Variants in BRAT1 observed in about 807,000 individuals in gnomAD.
BRAT1 encodes integrator complex assembly factor BRAT1.
A neutral mutation model predicts 70.6 loss-of-function variants in BRAT1; 74 were observed. The ratio of observed to expected loss-of-function variants is 1.05; its 90% CI spans 0.87 to 1.27. BRAT1 has a LOEUF of 1.27. Ranked by LOEUF, BRAT1 falls within the 50% of genes most tolerant of loss-of-function variation. BRAT1 has a pLI of 0.00. For synonymous variants in BRAT1, 615 were observed against 517.1 expected (o/e 1.19, Z -2.57); for missense variants, 1,203 against 1,098.2 (o/e 1.10, Z -1.35).
In BRAT1 at chr7:2,538,231, C is replaced by T. The variant is rs368044267; in HGVS notation, c.2304G>A (p.Glu768=). The part of the protein sequence containing the change: ...GEQAQPPGDQ[E]PEAVLAMLRS... ...TGAGCATGGCCAGCACAGCCTCAGG[C>T]TCCTGGTCCCCTGGGGGCTGGGCCT... The change falls in exon 14 of 14, where the codon GAG becomes GAA. Residue 768 remains glutamate (E), a synonymous_variant. Transcript: ENST00000340611. 5.0e-6 allele frequency: 8 copies of T among 1,609,762 alleles called. 1 individual carries two copies. The Middle Eastern group carries it at 5.0e-4, about 100-fold the overall frequency.
intron 6 of BRAT1, 178 bp from the exon 7 acceptor site, chr7:2,542,389 G>T (rs1453005812): frequency 4.8e-6 from 3 of 621,216 alleles, no homozygotes; most frequent in Non-Finnish European, 8.6e-6. Flanking sequence ...GGGGAGGACA[G>T]GCCTGACCAA....
chr7:2,547,202 C>T, intron 3 of BRAT1, 122 bp downstream of exon 3: 1 of 1,292,022 alleles, frequency 7.7e-7, no homozygotes, highest in Non-Finnish European at 1.1e-6. Flanking sequence ...AGTGAGGACA[C>T]AGGGTCGGGG....
rs1263655882 is a variant in BRAT1, at chr7:2,538,257, G to A, written c.2278C>T (p.Gln760Ter). The A allele has an allele frequency of 3.7e-6, 6 of 1,610,662 alleles. No homozygotes were observed. The highest frequency in any genetic ancestry group is 5.1e-6 in the Non-Finnish European group (6 of 1,179,044). ...TCCTGGTCCCCTGGGGGCTGGGCCT[G>A]CTCACCCGCCCGCCACCTCGGCAGG... Reference protein sequence around the residue: ...ATLPRWRAGEQAQPPGDQEPE... With the variant: ...ATLPRWRAGE Residue 760 changes from glutamine to a stop codon, truncating the protein, a stop_gained, in exon 14 of 14, where the codon CAG becomes TAG. Coordinates refer to ENST00000340611, the MANE Select transcript of BRAT1 (RefSeq NM_152743.4). LOFTEE classifies it low-confidence loss of function (END_TRUNC).
chr7:2,547,481 G>A lies in BRAT1; in HGVS notation c.128-3C>T. 1 of 1,613,834 alleles carries A rather than the reference G, an allele frequency of 6.2e-7. No individual in the cohort carries two copies. Among genetic ancestry groups the A allele is most frequent in the Non-Finnish European group, 8.5e-7 (1 of 1,179,970 alleles). On this transcript the variant is annotated splice_region_variant and splice_polypyrimidine_tract_variant and intron_variant, in intron 2 of 13. Transcript: ENST00000340611. The stretch of plus-strand genomic sequence containing the variant: ...CTGCAGCAGCACGACACTGGACTCT[G>A]TGGGGATGGCCCAGCCCAGGGGTCA...
chr7:2,543,217 T>G lies in BRAT1; in HGVS notation c.910A>C (p.Lys304Gln), dbSNP rs777504857. ...CCCAGACCATACCAGTGCTCGAGCTTCAGGATCCCCAAAGCCAGGGGTCCC... is the reference window on the plus strand; with the variant it reads ...CCCAGACCATACCAGTGCTCGAGCTGCAGGATCCCCAAAGCCAGGGGTCCC... ...HMGPLALGIL[K>Q]LEHCPQALRT... Residue 304 changes from lysine to glutamine, a missense_variant, in exon 6 of 14, where the codon AAG becomes CAG. Lys to Gln is a moderately conservative substitution (Grantham distance 53, BLOSUM62 1). Transcript: ENST00000340611. The surrounding 1 kb of genome is among the most constrained non-coding windows in gnomAD (Gnocchi z 5.5). 2.2e-5 allele frequency: 35 copies of G among 1,606,362 alleles called. No individual in the cohort carries two copies. The East Asian group carries it at 7.6e-4, about 35-fold the overall frequency.
In BRAT1 at chr7:2,541,386, C is replaced by A. The variant is rs556970046; in HGVS notation, c.1233G>T (p.Val411=). The part of the protein sequence containing the change: ...CDGSAAPASS[V]GGHLCGTLAG... ...CCAGGGTCCCACAGAGGTGGCCCCC[C>A]ACACTGGAGGCAGGGGCAGCCGAGC... Residue 411 remains valine, a synonymous_variant, in exon 9 of 14, where the codon GTG becomes GTT. Transcript: ENST00000340611. 7 of 1,607,054 alleles carry A rather than the reference C, an allele frequency of 4.4e-6. No homozygotes were observed. The highest frequency in any genetic ancestry group is 1.3e-5 in the African/African-American group (1 of 75,026).
intron 1 of BRAT1, among the ~76,000 whole-genome samples, 158 bp downstream of exon 1, chr7:2,555,328 CG>C (rs1444891355): frequency 6.6e-6 from 1 of 152,114 alleles, no homozygotes; most frequent in Non-Finnish European, 1.5e-5. Flanking sequence ...CCAGAAGGGG[CG>C]CCAGAGCAGG....
rs1217864267 is a variant in BRAT1 at position 2,543,573 on chromosome 7, C to T, written c.803+17G>A. On this transcript the variant is annotated intron_variant, in intron 5 of 13. Transcript: ENST00000340611. This position sits in a 1 kb window ranked among gnomAD's most constrained non-coding sequence, Gnocchi z 5.5. ...GTTGCCCACCCAGGCCCCCCAGCTG[C>T]GTCCCGGGGCCCTGACCGAGCCACA... 32 of 1,503,972 alleles carry T rather than the reference C, an allele frequency of 2.1e-5. No individual in the cohort carries two copies. Among genetic ancestry groups the T allele is most frequent in the East Asian group, 2.1e-4 (9 of 42,990 alleles). The allele number at this position is 1,503,972 out of a possible 1,614,324, so 93.2% of individuals were successfully genotyped here.
At position 2,548,030 on chromosome 7, in the gene BRAT1, G is replaced by C. The variant is rs117912207; in HGVS notation, c.128-552C>G. On this transcript the variant is annotated intron_variant, in intron 2 of 13. Transcript: ENST00000340611. ...ACCTGGGAGGCAGAGGCTGCAGTGA[G>C]CCAAGACCACGTCATTGCACACGGC... Among the ~76,000 whole-genome samples, 304 of 148,734 alleles carry C rather than the reference G, an allele frequency of 2.0e-3. 8 individuals carry two copies. The East Asian group carries it at 0.048, about 23-fold the overall frequency.
intron 4 of BRAT1, among the ~76,000 whole-genome samples, chr7:2,544,516 T>C (rs1323833457): frequency 6.6e-6 from 1 of 152,174 alleles, no homozygotes; most frequent in Non-Finnish European, 1.5e-5. Context: ...TTCTTGTTTT[T>C]TTGAGACGGG....
chr7:2,549,250 C>G (rs1244076104), intron 2 of BRAT1, among the ~76,000 whole-genome samples: 1 of 152,060 alleles, frequency 6.6e-6, no homozygotes, highest in Non-Finnish European at 1.5e-5. Context: ...CTTGAGAGGC[C>G]GAGGTGGGCA....
Position 2,547,323 on chromosome 7 carries a change from C to T in BRAT1, c.282+1G>A, listed in dbSNP as rs769255677. On this transcript the variant is annotated splice_donor_variant, in intron 3 of 13. Transcript: ENST00000340611. LOFTEE classifies it high-confidence loss of function. ...ACTCAGGTGGGAGGCCCCAGGCTCA[C>T]CTGAAGATACTGGAAGCAGTTTTCC... 2 of 1,614,052 alleles carry T rather than the reference C, an allele frequency of 1.2e-6. No homozygotes were observed. Among genetic ancestry groups the T allele is most frequent in the Non-Finnish European group, 1.7e-6 (2 of 1,180,002 alleles).
chr7:2,547,203 A>C, intron 3 of BRAT1, 121 bp downstream of exon 3: 1 of 1,294,782 alleles, frequency 7.7e-7, no homozygotes, highest in Non-Finnish European at 1.1e-6. Context: ...GTGAGGACAC[A>C]GGGTCGGGGC....
Position 2,543,537 on chromosome 7 carries a change from C to T in BRAT1, c.803+53G>A, listed in dbSNP as rs765300212. 21 of 1,495,978 alleles carry T rather than the reference C, an allele frequency of 1.4e-5. No homozygotes were observed. The highest frequency in any genetic ancestry group is 1.8e-4 in the Middle Eastern group (1 of 5,534). The allele number at this position is 1,495,978 out of a possible 1,614,324, so 92.7% of individuals were successfully genotyped here. A position where few individuals can be genotyped will look rare whatever the true frequency, so the allele number is the denominator to read the frequency against. On this transcript the variant is annotated intron_variant, in intron 5 of 13. Coordinates refer to ENST00000340611, the MANE Select transcript of BRAT1 (RefSeq NM_152743.4). The surrounding 1 kb of genome is among the most constrained non-coding windows in gnomAD (Gnocchi z 5.5). Reference sequence around the variant, plus strand: ...CAGTGGGACATCCCTGGGCGTTATCCGAGGAAAACAGTTGCCCACCCAGGC... The same window carrying T: ...CAGTGGGACATCCCTGGGCGTTATCTGAGGAAAACAGTTGCCCACCCAGGC...
rs1167058890 is a variant in BRAT1 at position 2,543,012 on chromosome 7, A to G, written c.923+192T>C. On this transcript the variant is annotated intron_variant, in intron 6 of 13. Coordinates refer to ENST00000340611, the MANE Select transcript of BRAT1 (RefSeq NM_152743.4). The surrounding 1 kb of genome is among the most constrained non-coding windows in gnomAD (Gnocchi z 5.5). ...ATCTCGCAGAGCTTTGGTCTGAAAC[A>G]ATTATTCTGTTGCTAAAGAACCTTC... is the stretch of plus-strand genomic sequence containing the variant. The G allele has an allele frequency of 1.7e-6, 1 of 576,316 alleles. No homozygotes were observed. The highest frequency in any genetic ancestry group is 2.8e-6 in the Non-Finnish European group (1 of 352,010). 35.7% of individuals were successfully genotyped at this position (576,316 alleles called of 1,614,324 possible). A position where few individuals can be genotyped will look rare whatever the true frequency, so the allele number is the denominator to read the frequency against.
intron 3 of BRAT1, among the ~76,000 whole-genome samples, chr7:2,545,626 A>G (rs975503375): frequency 3.3e-5 from 5 of 151,346 alleles, no homozygotes; most frequent in African/African-American, 1.2e-4. Flanking sequence ...AGTAGCTGGC[A>G]TTACAGGTGC....
At chr7:2,542,856 T>C (rs368068843) in intron 6 of BRAT1, 62 of 186,002 alleles carry the variant, frequency 3.3e-4, no homozygotes, top group African/African-American at 1.3e-3. Context: ...ATGGTGTGTG[T>C]GCTGGGGAGC....
rs1360022243 is a variant in BRAT1, at chr7:2,547,450, G to T, written c.156C>A (p.His52Gln). 1.2e-6 allele frequency: 2 copies of T among 1,613,948 alleles called. No homozygotes were observed. Among genetic ancestry groups the T allele is most frequent in the East Asian group, 4.5e-5 (2 of 44,894 alleles). Reference protein sequence around the residue: ...GESSVVLLQEHPCLVELLSHV... With the variant: ...GESSVVLLQEQPCLVELLSHV... The stretch of plus-strand genomic sequence containing the variant: ...GGGACAGCAGCTCCACCAGGCAGGG[G>T]TGCTCCTGCAGCAGCACGACACTGG... Residue 52 changes from histidine (H) to glutamine (Q), a missense_variant, in exon 3 of 14, where the codon CAC becomes CAA. Coordinates refer to ENST00000340611, the MANE Select transcript of BRAT1 (RefSeq NM_152743.4).
intron 9 of BRAT1, 50 bp from the exon 10 acceptor site, chr7:2,541,102 CTCCCCA>C (rs745619492): frequency 4.0e-5 from 60 of 1,494,644 alleles, no homozygotes; most frequent in Non-Finnish European, 5.1e-5. Context: ...CCCTAGGACC[CTCCCCA>C]TCAACTCTGG....
Sources: allele counts gnomAD v4.1 joint callset (sites outside exome capture counted in the v4.1 genomes callset), GRCh38; gene constraint gnomAD v4.1.1; non-coding constraint Gnocchi (gnomAD v3.1); transcripts MANE v1.5; gene names NCBI Gene and HGNC (gene_info 2026-07-23, HGNC 2026-07-21).